TRAPPC9: variants seen among roughly 807,000 people sequenced by gnomAD.
The protein encoded by TRAPPC9 is IKK2 binding protein.
Under a neutral mutation model 124.0 loss-of-function variants are expected in TRAPPC9, and 83 were observed. The observed-to-expected ratio is 0.67, with a 90% CI of 0.56 to 0.80. TRAPPC9 has a LOEUF of 0.80. Among genes scored for constraint, TRAPPC9 ranks in the 30% least tolerant of loss-of-function variants. The probability of loss-of-function intolerance (pLI) is 0.00; values close to 1 mark genes in which losing one functional copy is unlikely to be tolerated. For missense variants in TRAPPC9, 1,302 were observed against 1,508.3 expected (o/e 0.86, Z 2.27); for synonymous variants, 638 against 617.5 (o/e 1.03, Z -0.49).
At chr8:140,147,950 G>A (rs1034555051) in intron 17 of TRAPPC9, among the ~76,000 whole-genome samples, 4 of 152,360 alleles carry the variant, frequency 2.6e-5, no homozygotes, top group Admixed American at 1.3e-4. Flanking sequence ...ACTCAGTGGT[G>A]GGGGAAGGCA....
At chr8:140,364,292 CAAAAAA>C (rs34616334) in intron 8 of TRAPPC9, among the ~76,000 whole-genome samples, 1 of 53,064 alleles carries the variant, frequency 1.9e-5, no homozygotes, top group Admixed American at 2.1e-4. Context: ...TCAAAGGATG[CAAAAAA>C]AAAAAAAAAA....
chr8:139,987,149 C>T (rs933289886), intron 19 of TRAPPC9, among the ~76,000 whole-genome samples: 1 of 152,074 alleles, frequency 6.6e-6, no homozygotes, highest in Non-Finnish European at 1.5e-5. Flanking sequence ...AAGAAAACAC[C>T]GCCATTTGTT....
intron 20 of TRAPPC9, among the ~76,000 whole-genome samples, chr8:139,903,534 T>C (rs1374363297): frequency 6.6e-6 from 1 of 152,014 alleles, no homozygotes; most frequent in African/African-American, 2.4e-5. Context: ...AAAGGGTGAG[T>C]TGACCCTAGG....
At chr8:139,832,004 G>A (rs997783631) in intron 21 of TRAPPC9, among the ~76,000 whole-genome samples, 3 of 152,148 alleles carry the variant, frequency 2.0e-5, no homozygotes, top group Admixed American at 6.5e-5. Context: ...TTAACCTTGT[G>A]TCTCCAGGTT....
chr8:140,129,005 T>TATATATATTA (rs1563783126), intron 17 of TRAPPC9, among the ~76,000 whole-genome samples: 23 of 134,728 alleles, frequency 1.7e-4, no homozygotes, highest in Admixed American at 2.3e-4. Context: ...ATATATATAT[T>TATATATATTA]AAAAAAAAAA....
At chr8:140,133,128 G>A (rs11985315) in intron 17 of TRAPPC9, among the ~76,000 whole-genome samples, 71,764 of 152,016 alleles carry the variant, frequency 0.47, 17,285 homozygotes, top group African/African-American at 0.56. Context: ...AAAGCTACCA[G>A]TCTTCCTGAT....
chr8:139,800,386 G>A (rs1823401285), intron 21 of TRAPPC9, among the ~76,000 whole-genome samples: 1 of 152,260 alleles, frequency 6.6e-6, no homozygotes, highest in Admixed American at 6.5e-5. Flanking sequence ...AGACTGAGCT[G>A]TTGGAAGAGG....
At chr8:140,342,100 G>C (rs1563959250) in intron 9 of TRAPPC9, among the ~76,000 whole-genome samples, 1 of 152,226 alleles carries the variant, frequency 6.6e-6, no homozygotes, top group Non-Finnish European at 1.5e-5. Flanking sequence ...GCAGAGTCCA[G>C]GCTGAGTAAT....
chr8:139,736,460 C>T (rs890442269), intron 21 of TRAPPC9, among the ~76,000 whole-genome samples: 3 of 152,202 alleles, frequency 2.0e-5, no homozygotes, highest in Non-Finnish European at 4.4e-5. Flanking sequence ...CCTACAGCTC[C>T]GGCAGCTCAG....
At chr8:140,394,744 G>C (rs1416115004) in intron 7 of TRAPPC9, among the ~76,000 whole-genome samples, 1 of 152,084 alleles carries the variant, frequency 6.6e-6, no homozygotes, top group Non-Finnish European at 1.5e-5. Context: ...TCTGTGCTCA[G>C]AGCTCACACC....
intron 21 of TRAPPC9, among the ~76,000 whole-genome samples, chr8:139,847,764 C>T (rs2130916326): frequency 6.7e-6 from 1 of 149,778 alleles, no homozygotes; most frequent in East Asian, 2.0e-4. Context: ...CGAGCACCTG[C>T]CTCTCCGGCG....
intron 17 of TRAPPC9, among the ~76,000 whole-genome samples, chr8:140,214,341 GT>G (rs1563851888): frequency 6.6e-6 from 1 of 152,074 alleles, no homozygotes; most frequent in African/African-American, 2.4e-5. Flanking sequence ...CACAGCTGAT[GT>G]GGGCAAAGAC....
chr8:139,921,686 T>C (rs1376352865), intron 19 of TRAPPC9, among the ~76,000 whole-genome samples: 1 of 137,724 alleles, frequency 7.3e-6, no homozygotes, highest in African/African-American at 2.8e-5. Flanking sequence ...GACTAGTGCA[T>C]GCAGGCCAGC....
At chr8:140,327,655 A>G (rs547627683) in intron 9 of TRAPPC9, among the ~76,000 whole-genome samples, 1 of 152,372 alleles carries the variant, frequency 6.6e-6, no homozygotes, top group South Asian at 2.1e-4. Flanking sequence ...TAAGTCAGAC[A>G]CAAAAGAACA....
At chr8:140,057,937 TG>T (rs1842384768) in intron 17 of TRAPPC9, among the ~76,000 whole-genome samples, 1 of 152,258 alleles carries the variant, frequency 6.6e-6, no homozygotes, top group African/African-American at 2.4e-5. Context: ...CTAGTGGAGG[TG>T]GTCCTGCCAG....
chr8:140,444,604 T>C (rs2071171055), intron 2 of TRAPPC9, among the ~76,000 whole-genome samples: 1 of 152,128 alleles, frequency 6.6e-6, no homozygotes, highest in Non-Finnish European at 1.5e-5. Context: ...CTCACGCCTG[T>C]AACCTCAACA....
intron 2 of TRAPPC9, among the ~76,000 whole-genome samples, chr8:140,442,941 T>C (rs928900466): frequency 6.6e-6 from 1 of 151,268 alleles, no homozygotes; most frequent in African/African-American, 2.4e-5. Flanking sequence ...GAGACCATCC[T>C]GGCCAACATG....
intron 9 of TRAPPC9, among the ~76,000 whole-genome samples, chr8:140,326,247 A>T (rs1156387673): frequency 1.3e-5 from 2 of 150,886 alleles, no homozygotes; most frequent in Admixed American, 6.6e-5. Flanking sequence ...AAAGAAGAAG[A>T]AGTTGGGGGT....
chr8:139,838,408 G>A lies in TRAPPC9; in HGVS notation c.3055+47471C>T, dbSNP rs146143324. ...TGCTTACCATCAGAACCCGAAACACGAACAAGCAAACATGAATAACTTAGG... is the reference window on the plus strand; with the variant it reads ...TGCTTACCATCAGAACCCGAAACACAAACAAGCAAACATGAATAACTTAGG... On this transcript the variant is annotated intron_variant, in intron 21 of 22. Transcript: ENST00000438773. Among the ~76,000 whole-genome samples the A allele has an allele frequency of 4.5e-3, 682 of 152,280 alleles. 1 individual carries two copies. The highest frequency in any genetic ancestry group is 0.027 in the Middle Eastern group (8 of 294).
Sources: gnomAD v4.1 joint callset for allele counts (sites outside exome capture counted in the v4.1 genomes callset) on GRCh38, gnomAD v4.1.1 for gene constraint, MANE v1.5 for transcripts, NCBI Gene and HGNC (gene_info 2026-07-23, HGNC 2026-07-21) for gene names.